The following ALK variants were observed in gnomAD, a reference collection of about 807,000 sequenced individuals.
ALK encodes the protein ALK receptor tyrosine kinase.
ALK carries 74 observed loss-of-function variants against 163.1 expected under a neutral mutation model. That is an observed-to-expected ratio of 0.45 (90% CI 0.38 to 0.55). ALK has a LOEUF of 0.55. ALK is among the 20% of genes least tolerant of loss of function. The pLI is 0.00. For synonymous variants in ALK, 960 were observed against 843.2 expected (o/e 1.14, Z -2.40); for missense variants, 2,063 against 2,105.3 (o/e 0.98, Z 0.39).
intron 2 of ALK, among the ~76,000 whole-genome samples, chr2:29,712,174 A>G (rs78027340): frequency 0.029 from 4,413 of 152,272 alleles, 87 homozygotes; most frequent in Non-Finnish European, 0.043. Flanking sequence ...AGGGCCCTCC[A>G]GGTGATAGGT....
chr2:29,834,855 T>C (rs779795090), intron 1 of ALK, among the ~76,000 whole-genome samples: 67 of 152,152 alleles, frequency 4.4e-4, no homozygotes, highest in Non-Finnish European at 8.1e-4. Flanking sequence ...AACAGTACCA[T>C]CAATTGCAGC....
chr2:29,842,105 C>T (rs966170713), intron 1 of ALK, among the ~76,000 whole-genome samples: 3 of 151,600 alleles, frequency 2.0e-5, no homozygotes, highest in Non-Finnish European at 4.4e-5. Context: ...TTTTTCAAAC[C>T]AATTTTCATC....
intron 1 of ALK, among the ~76,000 whole-genome samples, chr2:29,884,031 G>A (rs1558532833): frequency 6.6e-6 from 1 of 152,090 alleles, no homozygotes; most frequent in African/African-American, 2.4e-5. Flanking sequence ...ATAATTGAGA[G>A]AAATGTGAAC....
chr2:29,257,995 T>C (rs971138058), intron 11 of ALK, among the ~76,000 whole-genome samples: 2 of 152,192 alleles, frequency 1.3e-5, no homozygotes, highest in African/African-American at 4.8e-5. Context: ...CATGCCACCA[T>C]GCTCAGCTAA....
rs564448276 is a variant in ALK at position 29,912,425 on chromosome 2, A to T, written c.667+7568T>A. Among the ~76,000 whole-genome samples, 15 of 152,298 alleles carry T rather than the reference A, an allele frequency of 9.8e-5. No homozygotes were observed. The East Asian group carries it at 2.7e-3, about 27-fold the overall frequency. On this transcript the variant is annotated intron_variant, in intron 1 of 28. Transcript: ENST00000389048. ...AAGGACACAGGAACAAAATAGTTAA[A>T]GTGTGGAAAGAAAGGAACTGTCAAT...
chr2:29,389,986 C>T (rs1159255996), intron 4 of ALK, among the ~76,000 whole-genome samples: 1 of 152,140 alleles, frequency 6.6e-6, no homozygotes, highest in African/African-American at 2.4e-5. Context: ...TGGACCAAGT[C>T]AATATGAATA....
At chr2:29,649,264 G>A (rs540741353) in intron 3 of ALK, among the ~76,000 whole-genome samples, 2 of 152,036 alleles carry the variant, frequency 1.3e-5, no homozygotes, top group African/African-American at 4.8e-5. Flanking sequence ...GTGTGTGTGT[G>A]TGTGACAGAG....
intron 5 of ALK, among the ~76,000 whole-genome samples, chr2:29,335,737 T>C (rs1288988592): frequency 2.6e-5 from 4 of 152,154 alleles, no homozygotes; most frequent in African/African-American, 9.7e-5. Flanking sequence ...GATAGACTCT[T>C]GGCACTGGTG....
intron 3 of ALK, among the ~76,000 whole-genome samples, chr2:29,564,423 T>C (rs1280157466): frequency 1.5e-5 from 2 of 136,112 alleles, no homozygotes; most frequent in African/African-American, 5.7e-5. Context: ...GTGCCTTGCA[T>C]AAAGGATCCC....
chr2:29,641,386 T>C (rs1676696248), intron 3 of ALK, among the ~76,000 whole-genome samples: 2 of 151,952 alleles, frequency 1.3e-5, no homozygotes, highest in African/African-American at 4.8e-5. Flanking sequence ...CCACAGCGCG[T>C]GATTCTGAAA....
chr2:29,428,988 A>G (rs1380359892), intron 4 of ALK, among the ~76,000 whole-genome samples: 2 of 152,074 alleles, frequency 1.3e-5, no homozygotes, highest in Non-Finnish European at 2.9e-5. Flanking sequence ...ACATCAGTAG[A>G]GTAGAAAACA....
intron 20 of ALK, 120 bp downstream of exon 20, chr2:29,223,215 AGGGCTAG>A: frequency 1.1e-6 from 1 of 944,968 alleles, no homozygotes; most frequent in African/African-American, 1.6e-5. Flanking sequence ...TCCTCCTAGG[AGGGCTAG>A]GGGTGCCCAT....
Position 29,919,859 on chromosome 2 carries a change from T to A in ALK, c.667+134A>T. The A allele has an allele frequency of 5.3e-6, 6 of 1,126,474 alleles. No individual in the cohort carries two copies. In the South Asian group the frequency reaches 9.6e-5, roughly 18 times the overall value. 69.8% of individuals were successfully genotyped at this position (1,126,474 alleles called of 1,614,324 possible). A position where few individuals can be genotyped will look rare whatever the true frequency, so the allele number is the denominator to read the frequency against. ...TACGGTCTGATTCGGGAAGGAGGTT[T>A]GCGGGAGGAAGGAGGGCGATGAAGC... On this transcript the variant is annotated intron_variant, in intron 1 of 28. Coordinates refer to ENST00000389048, the MANE Select transcript of ALK (RefSeq NM_004304.5).
chr2:29,308,378 C>T (rs970850328), intron 8 of ALK, among the ~76,000 whole-genome samples: 1 of 151,904 alleles, frequency 6.6e-6, no homozygotes, highest in African/African-American at 2.4e-5. Context: ...TCCTAATGTT[C>T]TACAATGAAC....
chr2:29,783,190 T>C (rs1357063402), intron 1 of ALK, among the ~76,000 whole-genome samples: 2 of 152,240 alleles, frequency 1.3e-5, no homozygotes, highest in East Asian at 1.9e-4. Context: ...TCAATAGTTC[T>C]TCCCCCCTTT....
In ALK at chr2:29,454,916, T is replaced by A. The variant is rs139758628; in HGVS notation, c.1155-71057A>T. ...CCCTTAGTTGTTCAAATAAAAGTCC[T>A]ATGCGGTTAGTTTCATGTACCTGCT... On this transcript the variant is annotated intron_variant, in intron 4 of 28. Coordinates refer to ENST00000389048, the MANE Select transcript of ALK (RefSeq NM_004304.5). Among the ~76,000 whole-genome samples, 363 of 152,280 alleles carry A rather than the reference T, an allele frequency of 2.4e-3. 2 individuals are homozygous for A. The highest frequency in any genetic ancestry group is 8.3e-3 in the African/African-American group (347 of 41,570).
chr2:29,548,195 C>T (rs1411521564), intron 3 of ALK, among the ~76,000 whole-genome samples: 1 of 152,080 alleles, frequency 6.6e-6, no homozygotes, highest in African/African-American at 2.4e-5. Context: ...AAGTCACAGC[C>T]GAGCGCGGTG....
At chr2:29,724,391 CTGGAT>C (rs1679508556) in intron 1 of ALK, among the ~76,000 whole-genome samples, 1 of 152,118 alleles carries the variant, frequency 6.6e-6, no homozygotes, top group South Asian at 2.1e-4. Flanking sequence ...AAATAGTGGT[CTGGAT>C]GTCAAATCAG....
chr2:29,408,340 G>A (rs1669642582), intron 4 of ALK, among the ~76,000 whole-genome samples: 2 of 151,580 alleles, frequency 1.3e-5, no homozygotes, highest in African/African-American at 4.9e-5. Context: ...CGCCTGCCTC[G>A]GCCTCCCCAC....
Sources: gnomAD v4.1 joint callset for allele counts (sites outside exome capture counted in the v4.1 genomes callset) on GRCh38, gnomAD v4.1.1 for gene constraint, MANE v1.5 for transcripts, NCBI Gene and HGNC (gene_info 2026-07-23, HGNC 2026-07-21) for gene names.